The following CNBD1 variants were observed in gnomAD, a reference collection of about 807,000 sequenced individuals.
CNBD1 encodes the protein cyclic nucleotide-binding domain-containing protein 1.
CNBD1 carries 71 observed loss-of-function variants against 54.4 expected under a neutral mutation model. The observed-to-expected ratio is 1.30, with a 90% CI of 1.08 to 1.59. The LOEUF is 1.59. Among genes scored for constraint, CNBD1 ranks in the 40% most tolerant of loss-of-function variants. The pLI, the probability that CNBD1 is intolerant of heterozygous loss-of-function variation, is 0.00. For missense variants in CNBD1, 659 were observed against 518.0 expected, an observed-to-expected ratio of 1.27 and a Z score of -2.64; for synonymous variants, 182 against 170.7, an observed-to-expected ratio of 1.07 and a Z score of -0.51.
intron 6 of CNBD1, among the ~76,000 whole-genome samples, chr8:87,275,740 A>G (rs1301663953): frequency 2.0e-5 from 3 of 151,702 alleles, no homozygotes; most frequent in Admixed American, 6.6e-5. Flanking sequence ...AGGCAGGAGA[A>G]GGAAATAAAG....
chr8:87,290,229 T>A (rs1808761645), intron 8 of CNBD1, among the ~76,000 whole-genome samples: 1 of 151,886 alleles, frequency 6.6e-6, no homozygotes, highest in South Asian at 2.1e-4. Context: ...TTATATAAAG[T>A]TATGTCTCAA....
At chr8:86,984,828 C>G (rs925505348) in intron 4 of CNBD1, among the ~76,000 whole-genome samples, 1 of 152,116 alleles carries the variant, frequency 6.6e-6, no homozygotes, top group Non-Finnish European at 1.5e-5. Flanking sequence ...GAAGGGACTT[C>G]CCTTGTCTCA....
intron 5 of CNBD1, among the ~76,000 whole-genome samples, chr8:87,229,086 C>G (rs1814597211): frequency 6.6e-6 from 1 of 152,208 alleles, no homozygotes; most frequent in Admixed American, 6.5e-5. Context: ...CTCAGTGAGG[C>G]AATGCCTCGC....
At chr8:87,256,015 ATTTTTTTTTTTTTT>A (rs1212667153) in intron 6 of CNBD1, among the ~76,000 whole-genome samples, 1 of 15,780 alleles carries the variant, frequency 6.3e-5, no homozygotes, top group East Asian at 2.1e-3. Context: ...ATATATATAT[ATTTTTTTTTTTTTT>A]TTTTTTTTTT....
At chr8:87,178,139 T>C (rs1376326003) in intron 4 of CNBD1, among the ~76,000 whole-genome samples, 1 of 152,230 alleles carries the variant, frequency 6.6e-6, no homozygotes, top group Non-Finnish European at 1.5e-5. Context: ...ACACTCTTCA[T>C]AGTACAGAAC....
chr8:87,162,774 GA>G (rs1215883139), intron 4 of CNBD1, among the ~76,000 whole-genome samples: 1 of 152,062 alleles, frequency 6.6e-6, no homozygotes, highest in Non-Finnish European at 1.5e-5. Flanking sequence ...TCATGTGACA[GA>G]AGGCAGAAGG....
chr8:87,370,433 A>G (rs1272418318), intron 10 of CNBD1, among the ~76,000 whole-genome samples: 5 of 151,992 alleles, frequency 3.3e-5, no homozygotes, highest in African/African-American at 4.8e-5. Flanking sequence ...CTGGTGTGAG[A>G]TGGTATCTCA....
intron 8 of CNBD1, among the ~76,000 whole-genome samples, chr8:87,344,035 T>C (rs988609836): frequency 1.3e-4 from 20 of 152,122 alleles, no homozygotes; most frequent in Non-Finnish European, 1.5e-5. Context: ...AATATTCTAA[T>C]GTATAGAATG....
intron 4 of CNBD1, among the ~76,000 whole-genome samples, chr8:87,112,357 A>G (rs1295990709): frequency 2.0e-5 from 3 of 152,098 alleles, no homozygotes. Context: ...TTGTCATGTG[A>G]GCATTGTCTA....
At chr8:86,897,929 AT>A (rs907604364) in intron 2 of CNBD1, among the ~76,000 whole-genome samples, 3 of 151,914 alleles carry the variant, frequency 2.0e-5, no homozygotes, top group African/African-American at 4.8e-5. Flanking sequence ...TCACTGCAGC[AT>A]TTTTTTTGAG....
intron 2 of CNBD1, among the ~76,000 whole-genome samples, chr8:87,403,088 A>G (rs971692329): frequency 1.3e-5 from 2 of 151,812 alleles, no homozygotes; most frequent in Admixed American, 1.3e-4. Context: ...CCTCATAAAG[A>G]TGCTTAAAAT....
At chr8:87,308,688 G>T (rs1809205181) in intron 8 of CNBD1, among the ~76,000 whole-genome samples, 1 of 152,096 alleles carries the variant, frequency 6.6e-6, no homozygotes, top group African/African-American at 2.4e-5. Context: ...ACTAGAATTT[G>T]TTCCTTTTAT....
At chr8:87,395,822 G>C (rs1440108406) in intron 2 of CNBD1, among the ~76,000 whole-genome samples, 1 of 151,854 alleles carries the variant, frequency 6.6e-6, no homozygotes, top group African/African-American at 2.4e-5. Context: ...AATCATGGGG[G>C]TGGTTACCTG....
intron 4 of CNBD1, among the ~76,000 whole-genome samples, chr8:86,943,866 G>C (rs1241514311): frequency 3.9e-5 from 6 of 152,010 alleles, no homozygotes; most frequent in African/African-American, 1.5e-4. Flanking sequence ...CAGAATAGAA[G>C]AACAACAACT....
intron 8 of CNBD1, among the ~76,000 whole-genome samples, chr8:87,331,244 G>T (rs534523662): frequency 3.9e-5 from 6 of 152,244 alleles, no homozygotes; most frequent in Non-Finnish European, 8.8e-5. Context: ...CCAGGTGTGT[G>T]TTGTTCCCCG....
At chr8:87,292,010 G>T (rs1000013601) in intron 8 of CNBD1, among the ~76,000 whole-genome samples, 1 of 152,132 alleles carries the variant, frequency 6.6e-6, no homozygotes, top group African/African-American at 2.4e-5. Context: ...TCTTCCAAAA[G>T]AAAATAATTT....
At position 87,129,069 on chromosome 8, in the gene CNBD1, CAAAAAAAA is replaced by C. The variant is rs570657716; in HGVS notation, c.432-76909_432-76902del. ...TGAGCCACAGAGCAAGACTCTGCCT[CAAAAAAAA>C]AAAAAAAAAAAAAAGAATTTTGCTA... On this transcript the variant is annotated intron_variant, in intron 4 of 10. Coordinates refer to ENST00000518476, the MANE Select transcript of CNBD1 (RefSeq NM_173538.3). Among the ~76,000 whole-genome samples the C allele has an allele frequency of 8.8e-3, 230 of 26,184 alleles. 9 individuals are homozygous for C. Among genetic ancestry groups the C allele is most frequent in the East Asian group, 0.082 (145 of 1,758 alleles). The allele number at this position is 26,184 out of a possible 152,430, so 17.2% of individuals were successfully genotyped here.
chr8:87,283,522 C>T (rs373025470), intron 6 of CNBD1, among the ~76,000 whole-genome samples: 11 of 151,902 alleles, frequency 7.2e-5, no homozygotes, highest in African/African-American at 2.7e-4. Context: ...TAGTTGTGTA[C>T]CAGGCTTTTT....
At position 87,017,108 on chromosome 8, in the gene CNBD1, G is replaced by T. The variant is rs74404471; in HGVS notation, c.431+77354G>T. Among the ~76,000 whole-genome samples, 323 of 152,214 alleles carry T rather than the reference G, an allele frequency of 2.1e-3. 1 individual carries two copies. Among genetic ancestry groups the T allele is most frequent in the African/African-American group, 7.6e-3 (314 of 41,536 alleles). On this transcript the variant is annotated intron_variant, in intron 4 of 10. Transcript: ENST00000518476. ...GATGCAACCCCCTGCTGGGAACCCC[G>T]ACCCTTTTCACCAGAAAAGGTAAAA...
Sources: gnomAD v4.1 joint callset for allele counts (sites outside exome capture counted in the v4.1 genomes callset) on GRCh38, gnomAD v4.1.1 for gene constraint, MANE v1.5 for transcripts, NCBI Gene and HGNC (gene_info 2026-07-23, HGNC 2026-07-21) for gene names.